The following TTLL13 variants were observed in gnomAD, a reference collection of about 807,000 sequenced individuals.
The protein encoded by TTLL13 is tubulin tyrosine ligase like 13.
At chr15:90,258,848 A>G in the TTLL13 span, 1 of 1,614,198 alleles carries the variant, frequency 6.2e-7, no homozygotes, top group South Asian at 1.1e-5. Flanking sequence ...GGGCTGTGAC[A>G]AAAGGAAGGT....
the TTLL13 span, among the ~76,000 whole-genome samples, chr15:90,254,188 G>GTT: frequency 4.8e-5 from 5 of 104,000 alleles, no homozygotes; most frequent in South Asian, 3.2e-4. Flanking sequence ...GTGAGACCCT[G>GTT]TTTTTTTTTT....
the TTLL13 span, chr15:90,249,856 GCCTGTC>G: frequency 6.6e-6 from 1 of 152,272 alleles, no homozygotes; most frequent in African/African-American, 2.4e-5. Context: ...GCCATCGGGT[GCCTGTC>G]CCTAGTGTGT....
At chr15:90,250,525 T>C in the TTLL13 span, 5 of 1,394,458 alleles carry the variant, frequency 3.6e-6, no homozygotes, top group Non-Finnish European at 3.9e-6. Flanking sequence ...TATAACAGCA[T>C]GAAGGTCGTT....
the TTLL13 span, chr15:90,257,406 G>T: frequency 7.3e-7 from 1 of 1,376,726 alleles, no homozygotes; most frequent in Admixed American, 2.4e-5. Context: ...AAGAGCTGCA[G>T]CATCTAGCTG....
At chr15:90,253,483 C>A in the TTLL13 span, 7 of 574,792 alleles carry the variant, frequency 1.2e-5, no homozygotes, top group Non-Finnish European at 2.1e-5. Flanking sequence ...CTTGTGCAGA[C>A]AAGAAAGACC....
the TTLL13 span, chr15:90,264,127 A>C: frequency 3.1e-6 from 3 of 976,508 alleles, no homozygotes; most frequent in Non-Finnish European, 3.0e-6. Context: ...TAGAGCTTGG[A>C]TGCCCCTAAA....
chr15:90,264,969 A>G, the TTLL13 span: 1 of 1,533,214 alleles, frequency 6.5e-7, no homozygotes, highest in East Asian at 2.4e-5. Context: ...TTCAGGTAAA[A>G]GCAGGAGGGA....
At chr15:90,262,469 C>T in the TTLL13 span, 1 of 1,460,934 alleles carries the variant, frequency 6.8e-7, no homozygotes, top group South Asian at 1.4e-5. Flanking sequence ...TCTCTACTGT[C>T]TGAAGCTGCT....
the TTLL13 span, among the ~76,000 whole-genome samples, chr15:90,252,198 T>G: frequency 1.3e-5 from 2 of 152,042 alleles, no homozygotes; most frequent in Admixed American, 1.3e-4. Flanking sequence ...TGCCACCACA[T>G]CTGGCTAATT....
chr15:90,253,203 GT>G, the TTLL13 span: 4 of 1,528,200 alleles, frequency 2.6e-6, no homozygotes, highest in Non-Finnish European at 3.6e-6. Context: ...TCCAGGGCTT[GT>G]TGCTGGTGTC....
chr15:90,262,987 A>G, the TTLL13 span: 2 of 1,535,868 alleles, frequency 1.3e-6, no homozygotes, highest in South Asian at 2.4e-5. Flanking sequence ...ACAGCTGGAC[A>G]CCATGAGGCC....
chr15:90,256,238 C>G, the TTLL13 span: 3 of 1,614,130 alleles, frequency 1.9e-6, no homozygotes, highest in Middle Eastern at 3.3e-4. Flanking sequence ...CTTCATTACC[C>G]GAAATCCCCG....
the TTLL13 span, chr15:90,256,361 C>A: frequency 6.2e-7 from 1 of 1,601,612 alleles, no homozygotes; most frequent in Non-Finnish European, 8.5e-7. Flanking sequence ...CTCATCTCTC[C>A]CAAAAGCCAG....
chr15:90,251,513 C>T, the TTLL13 span: 1 of 1,580,732 alleles, frequency 6.3e-7, no homozygotes, highest in Non-Finnish European at 8.7e-7. Context: ...ACCTGTCCTT[C>T]CCTCCCACTC....
chr15:90,264,717 C>G, the TTLL13 span: 1 of 1,535,670 alleles, frequency 6.5e-7, no homozygotes, highest in Non-Finnish European at 8.7e-7. Flanking sequence ...GTTTCCACTG[C>G]AGAAGGACAA....
the TTLL13 span, chr15:90,258,946 A>C: frequency 6.2e-7 from 1 of 1,613,964 alleles, no homozygotes; most frequent in African/African-American, 1.3e-5. Flanking sequence ...GGTGTCTGGC[A>C]TGTGTTTAGT....
the TTLL13 span, among the ~76,000 whole-genome samples, chr15:90,256,600 TCTTTCTTTCCTTCC>T: frequency 2.9e-5 from 1 of 33,984 alleles, no homozygotes; most frequent in Non-Finnish European, 5.6e-5. Flanking sequence ...TTTCTTTCTT[TCTTTCTTTCCTTCC>T]TTCCTTCCTT....
chr15:90,263,765 G>A, the TTLL13 span: 1 of 696,650 alleles, frequency 1.4e-6, no homozygotes, highest in East Asian at 2.7e-5. Context: ...GACAGGCTGG[G>A]CAGTCAAGAA....
chr15:90,250,773 TA>T, the TTLL13 span: 18 of 1,613,962 alleles, frequency 1.1e-5, no homozygotes, highest in Non-Finnish European at 1.4e-5. Context: ...TATAAGGCAT[TA>T]AAAAATGGGG....
Sources: allele counts gnomAD v4.1 joint callset (sites outside exome capture counted in the v4.1 genomes callset), GRCh38; gene constraint gnomAD v4.1.1; transcripts MANE v1.5; gene names NCBI Gene and HGNC (gene_info 2026-07-23, HGNC 2026-07-21).